The following ARSG variants were observed in gnomAD, a reference collection of about 807,000 sequenced individuals.
ARSG encodes the protein arylsulfatase G.
A neutral mutation model predicts 50.5 loss-of-function variants in ARSG; 37 were observed. That is an observed-to-expected ratio of 0.73 (90% CI 0.56 to 0.96). The LOEUF is 0.96. ARSG is among the 50% of genes least tolerant of loss of function. ARSG has a pLI of 0.00. For synonymous variants in ARSG, 225 were observed against 254.6 expected (o/e 0.88, Z 1.11); for missense variants, 629 against 675.3 (o/e 0.93, Z 0.76).
At chr17:68,305,265 T>G (rs1454305994) in intron 1 of ARSG, among the ~76,000 whole-genome samples, 2 of 152,244 alleles carry the variant, frequency 1.3e-5, no homozygotes, top group Non-Finnish European at 2.9e-5. Flanking sequence ...ATTCCCGTCT[T>G]TCAAAACTCA....
chr17:68,434,182 T>A, the ARSG span, among the ~76,000 whole-genome samples: 1 of 152,198 alleles, frequency 6.6e-6, no homozygotes, highest in African/African-American at 2.4e-5. Context: ...TGTGCACTGA[T>A]CTGGCTGCAA....
At chr17:68,275,683 A>T (rs1462024681) in intron 1 of ARSG, among the ~76,000 whole-genome samples, 6 of 152,148 alleles carry the variant, frequency 3.9e-5, no homozygotes, top group Non-Finnish European at 8.8e-5. Flanking sequence ...TCCACAATTT[A>T]AAAATGAAGT....
At chr17:68,362,809 A>T (rs2079359790) in intron 6 of ARSG, among the ~76,000 whole-genome samples, 7 of 152,026 alleles carry the variant, frequency 4.6e-5, no homozygotes, top group Admixed American at 2.6e-4. Flanking sequence ...TAATCATCTT[A>T]TTTATATTTT....
At chr17:68,331,205 CTTTCTTTCTTTCTTTCTTTCTTTCTTTG>C (rs879313070) in intron 2 of ARSG, among the ~76,000 whole-genome samples, 3,074 of 41,254 alleles carry the variant, frequency 0.075, 73 homozygotes, top group African/African-American at 0.098. Context: ...TTCTTTCTTT[CTTTCTTTCTTTCTTTCTTTCTTTCTTTG>C]TTTCTTTCTT....
intron 1 of ARSG, among the ~76,000 whole-genome samples, chr17:68,264,520 AC>A (rs1189512513): frequency 3.3e-5 from 5 of 151,622 alleles, no homozygotes; most frequent in Non-Finnish European, 7.4e-5. Context: ...GCTCACCACA[AC>A]CTCCATCTCC....
intron 4 of ARSG, 26 bp downstream of exon 4, chr17:68,347,198 AC>A: frequency 1.9e-6 from 3 of 1,609,230 alleles, no homozygotes; most frequent in Non-Finnish European, 2.6e-6. Flanking sequence ...GGGATTTGTT[AC>A]CTGGGAAACA....
At chr17:68,411,378 T>A (rs1226393902) in intron 11 of ARSG, among the ~76,000 whole-genome samples, 1 of 152,236 alleles carries the variant, frequency 6.6e-6, no homozygotes, top group Non-Finnish European at 1.5e-5. Context: ...CATTTCATTA[T>A]GTACCCAGTA....
intron 11 of ARSG, among the ~76,000 whole-genome samples, chr17:68,406,993 AT>A (rs1281673038): frequency 6.6e-6 from 1 of 152,180 alleles, no homozygotes; most frequent in African/African-American, 2.4e-5. Context: ...TAGAATTTTT[AT>A]AGTTTCAGGT....
chr17:68,362,154 C>T (rs1022531742), intron 6 of ARSG, among the ~76,000 whole-genome samples: 5 of 152,016 alleles, frequency 3.3e-5, no homozygotes, highest in African/African-American at 4.8e-5. Flanking sequence ...CAGAATTCTC[C>T]GTTTTCCTTG....
chr17:68,429,355 ACTC>A, the ARSG span, among the ~76,000 whole-genome samples: 2 of 152,220 alleles, frequency 1.3e-5, no homozygotes, highest in African/African-American at 2.4e-5. Context: ...TTTTGAATAA[ACTC>A]CTTTAAACTT....
At chr17:68,401,748 C>A (rs1464488597) in intron 11 of ARSG, among the ~76,000 whole-genome samples, 1 of 152,150 alleles carries the variant, frequency 6.6e-6, no homozygotes, top group Non-Finnish European at 1.5e-5. Flanking sequence ...GCTTTAAATG[C>A]CAGTTTGGAT....
At chr17:68,326,688 CA>C (rs1555772597) in intron 2 of ARSG, among the ~76,000 whole-genome samples, 1 of 152,140 alleles carries the variant, frequency 6.6e-6, no homozygotes, top group East Asian at 1.9e-4. Context: ...ACAAAAAAAG[CA>C]GAAAGTAAAA....
intron 5 of ARSG, among the ~76,000 whole-genome samples, chr17:68,354,145 G>A (rs552398052): frequency 6.6e-6 from 1 of 150,934 alleles, no homozygotes; most frequent in African/African-American, 2.4e-5. Context: ...AGAAAGCCAG[G>A]TGCAGTGGGT....
At chr17:68,363,718 C>T (rs1435930901) in intron 6 of ARSG, among the ~76,000 whole-genome samples, 3 of 152,056 alleles carry the variant, frequency 2.0e-5, no homozygotes, top group Non-Finnish European at 2.9e-5. Flanking sequence ...CCAACTGCCT[C>T]GGCCTCCCAA....
the ARSG span, chr17:68,451,004 G>T: frequency 7.0e-7 from 1 of 1,422,598 alleles, no homozygotes. Flanking sequence ...AAGGTTCTCC[G>T]GGTCTTGCCG....
At chr17:68,278,182 C>T in intron 1 of ARSG, 1 of 1,614,136 alleles carries the variant, frequency 6.2e-7, no homozygotes, top group Non-Finnish European at 8.5e-7. Flanking sequence ...TTAAAGAAGA[C>T]ACCAAATGTC....
chr17:68,315,922 C>T lies in ARSG; in HGVS notation c.218+8211C>T, dbSNP rs1164366797. Among the ~76,000 whole-genome samples the T allele has an allele frequency of 2.0e-5, 3 of 152,114 alleles. No homozygotes were observed. In the East Asian group the frequency reaches 5.8e-4, roughly 29 times the overall value. On this transcript the variant is annotated intron_variant, in intron 2 of 11. Transcript: ENST00000621439. ...CTGGGATTACAAAGTGCGTGGGTGG[C>T]ACCCAGGCAGAAATGGGATTTAGAT... is the stretch of plus-strand genomic sequence containing the variant.
the ARSG span, among the ~76,000 whole-genome samples, chr17:68,449,809 G>A: frequency 6.6e-6 from 1 of 152,224 alleles, no homozygotes; most frequent in Non-Finnish European, 1.5e-5. Flanking sequence ...GTTCTTTAGA[G>A]TAATGTGAGA....
chr17:68,286,725 G>A (rs2075851262), upstream of ARSG, among the ~76,000 whole-genome samples: 1 of 152,048 alleles, frequency 6.6e-6, no homozygotes, highest in Non-Finnish European at 1.5e-5. Context: ...GGCTGGTCTC[G>A]AACTCCTGAC....
Sources: allele counts gnomAD v4.1 joint callset (sites outside exome capture counted in the v4.1 genomes callset), GRCh38; gene constraint gnomAD v4.1.1; transcripts MANE v1.5; gene names NCBI Gene and HGNC (gene_info 2026-07-23, HGNC 2026-07-21).